ZNF608: variants seen among roughly 807,000 people sequenced by gnomAD.
ZNF608 encodes renal carcinoma antigen NY-REN-36.
A neutral mutation model predicts 109.0 loss-of-function variants in ZNF608; 12 were observed. The ratio of observed to expected loss-of-function variants is 0.11; its 90% confidence interval spans 0.07 to 0.18. The LOEUF is 0.18. Among genes scored for constraint, ZNF608 ranks in the 10% least tolerant of loss-of-function variants. ZNF608 has a pLI of 1.00. For missense variants in ZNF608, 1,707 were observed against 1,879.3 expected (o/e 0.91, Z 1.70); for synonymous variants, 732 against 717.4 (o/e 1.02, Z -0.33).
At chr5:124,652,098 A>G (rs1207307262) in intron 3 of ZNF608, among the ~76,000 whole-genome samples, 2 of 152,240 alleles carry the variant, frequency 1.3e-5, no homozygotes, top group Non-Finnish European at 2.9e-5. Context: ...TGAAAAAAGG[A>G]AGGGACCCAG....
intron 3 of ZNF608, among the ~76,000 whole-genome samples, chr5:124,669,776 G>A (rs1037772965): frequency 1.3e-5 from 2 of 152,058 alleles, no homozygotes; most frequent in African/African-American, 2.4e-5. Flanking sequence ...AAATACACCT[G>A]AGTCCTTATT....
chr5:124,687,450 T>C (rs761614615), intron 3 of ZNF608, among the ~76,000 whole-genome samples: 5 of 152,208 alleles, frequency 3.3e-5, no homozygotes, highest in Non-Finnish European at 5.9e-5. Context: ...AATATATATA[T>C]TGAAGACTTA....
At chr5:124,717,885 G>A (rs2149875262) in intron 2 of ZNF608, among the ~76,000 whole-genome samples, 1 of 152,276 alleles carries the variant, frequency 6.6e-6, no homozygotes, top group African/African-American at 2.4e-5. Context: ...TGTCCCTATA[G>A]GGGCAGCGAA....
At chr5:124,683,037 T>TC (rs1554086971) in intron 3 of ZNF608, among the ~76,000 whole-genome samples, 1 of 141,506 alleles carries the variant, frequency 7.1e-6, no homozygotes, top group Non-Finnish European at 1.5e-5. Context: ...TCTCTCTCTC[T>TC]CCCCCTCTCT....
chr5:124,716,141 TC>T (rs1490934400), intron 2 of ZNF608, among the ~76,000 whole-genome samples: 99 of 55,508 alleles, frequency 1.8e-3, no homozygotes, highest in African/African-American at 7.2e-3. Flanking sequence ...AGAATCCGTC[TC>T]AAAAAAAAAA....
chr5:124,680,351 A>T lies in ZNF608; in HGVS notation c.1162+20663T>A, dbSNP rs952395545. On this transcript the variant is annotated intron_variant, in intron 3 of 9. Transcript: ENST00000513986. ...GTAAAATGGGGATATTATGGCCACAAAAAAAAAAAAGGAAGATTTAAGTCA... is the reference window on the plus strand; with the variant it reads ...GTAAAATGGGGATATTATGGCCACATAAAAAAAAAAGGAAGATTTAAGTCA... Among the ~76,000 whole-genome samples the T allele has an allele frequency of 6.8e-3, 525 of 77,196 alleles. 2 individuals carry two copies. Among genetic ancestry groups the T allele is most frequent in the African/African-American group, 0.032 (488 of 15,070 alleles). The allele number at this position is 77,196 out of a possible 152,430, so 50.6% of individuals were successfully genotyped here.
At chr5:124,747,230 C>T (rs1325652584), upstream of ZNF608, among the ~76,000 whole-genome samples, 1 of 149,848 alleles carries the variant, frequency 6.7e-6, no homozygotes, top group African/African-American at 2.5e-5. Flanking sequence ...TCGCAGCAAA[C>T]GGTGTGTCTC....
upstream of ZNF608, among the ~76,000 whole-genome samples, chr5:124,747,618 A>G (rs1478481101): frequency 2.4e-5 from 3 of 123,890 alleles, no homozygotes; most frequent in African/African-American, 6.1e-5. Flanking sequence ...CCCTGCACAC[A>G]CTCCCCCAAC....
intron 2 of ZNF608, among the ~76,000 whole-genome samples, chr5:124,727,584 T>C (rs764440278): frequency 5.3e-5 from 8 of 151,246 alleles, no homozygotes; most frequent in Admixed American, 1.3e-4. Flanking sequence ...AAGATCTCAT[T>C]TTCTTATTAG....
At chr5:124,723,693 A>T (rs535799663) in intron 2 of ZNF608, among the ~76,000 whole-genome samples, 2 of 152,192 alleles carry the variant, frequency 1.3e-5, no homozygotes, top group Non-Finnish European at 2.9e-5. Flanking sequence ...GACTCCATCA[A>T]TCAATGAATC....
chr5:124,739,790 C>T (rs1749305420), intron 2 of ZNF608, among the ~76,000 whole-genome samples: 4 of 152,180 alleles, frequency 2.6e-5, no homozygotes, highest in Admixed American at 2.6e-4. Flanking sequence ...GAGCAAATCG[C>T]AGCCATTCAA....
chr5:124,727,300 A>G (rs180979286), intron 2 of ZNF608, among the ~76,000 whole-genome samples: 1 of 152,360 alleles, frequency 6.6e-6, no homozygotes, highest in African/African-American at 2.4e-5. Flanking sequence ...ATCACTGCTT[A>G]TACAGGCTGT....
At position 124,648,884 on chromosome 5, in the gene ZNF608, C is replaced by T. The variant is rs565329607; in HGVS notation, c.1500G>A (p.Arg500=). 6 of 1,613,932 alleles carry T rather than the reference C, an allele frequency of 3.7e-6. No homozygotes were observed. The African/African-American group carries it at 8.0e-5, about 22-fold the overall frequency. The change falls in exon 5 of 10, where the codon AGG becomes AGA. Residue 500 remains arginine (R), a synonymous_variant. Coordinates refer to ENST00000513986, the MANE Select transcript of ZNF608 (RefSeq NM_020747.3). ...CCAGCTCCATTGGAGGCTTGTTTTTCCTTTTGTTGGTGGAGGAAGGGCTGG... is the reference window on the plus strand; with the variant it reads ...CCAGCTCCATTGGAGGCTTGTTTTTTCTTTTGTTGGTGGAGGAAGGGCTGG... ...IKASPSSTNK[R]KNKPPMELDL...
intron 2 of ZNF608, among the ~76,000 whole-genome samples, chr5:124,727,063 C>CT (rs879794016): frequency 1.2e-4 from 18 of 152,310 alleles, no homozygotes; most frequent in Admixed American, 2.6e-4. Flanking sequence ...CAGTGAGATC[C>CT]TACACTTCAA....
chr5:124,689,673 G>T (rs891009248), intron 3 of ZNF608, among the ~76,000 whole-genome samples: 7 of 152,086 alleles, frequency 4.6e-5, no homozygotes, highest in Non-Finnish European at 1.0e-4. Context: ...TGTCAAGAAA[G>T]TTCACATTAA....
At position 124,648,608 on chromosome 5, in the gene ZNF608, C is replaced by T. The variant is rs1053815865; in HGVS notation, c.1776G>A (p.Glu592=). ...CTTCCTCACAGTCCGAGATCTTGTC[C>T]TCACTGTCAGGCTCGAACTCCAGCT... ...ENKLEFEPDS[E]DKISDCEEGL... The change falls in exon 5 of 10, where the codon GAG becomes GAA. Residue 592 remains glutamate (E), a synonymous_variant. Coordinates refer to ENST00000513986, the MANE Select transcript of ZNF608 (RefSeq NM_020747.3). The T allele has an allele frequency of 6.2e-7, 1 of 1,614,240 alleles. No individual in the cohort carries two copies. The highest frequency in any genetic ancestry group is 1.7e-5 in the Admixed American group (1 of 60,026).
rs771416896 is a variant in ZNF608, at chr5:124,648,814, G to A, written c.1570C>T (p.Arg524Cys). The A allele has an allele frequency of 2.5e-6, 4 of 1,614,200 alleles. No individual in the cohort carries two copies. Among genetic ancestry groups the A allele is most frequent in the East Asian group, 2.2e-5 (1 of 44,876 alleles). Residue 524 changes from arginine to cysteine, a missense_variant, in exon 5 of 10, where the codon CGC becomes TGC. Transcript: ENST00000513986. ...GTGGGAGTGCTTCTGGAATTTGTGC[G>A]GACACGCTTTCCAGGCTTATTGTCC... is the stretch of plus-strand genomic sequence containing the variant. ...SEDNKPGKRVRTNSRSTPTTP... is the reference protein window; with the variant it reads ...SEDNKPGKRVCTNSRSTPTTP...
intron 2 of ZNF608, among the ~76,000 whole-genome samples, chr5:124,709,343 G>T (rs1313235789): frequency 6.6e-6 from 1 of 152,138 alleles, no homozygotes. Context: ...GCTTTAAACA[G>T]CAGTGACTAT....
intron 2 of ZNF608, among the ~76,000 whole-genome samples, chr5:124,739,404 T>A (rs2149902043): frequency 6.6e-6 from 1 of 152,268 alleles, no homozygotes; most frequent in Middle Eastern, 3.4e-3. Context: ...TAAACACCAG[T>A]CCACAGCAAT....
Sources: allele counts gnomAD v4.1 joint callset (sites outside exome capture counted in the v4.1 genomes callset), GRCh38; gene constraint gnomAD v4.1.1; transcripts MANE v1.5; gene names NCBI Gene and HGNC (gene_info 2026-07-23, HGNC 2026-07-21).